XPR1: variants seen among roughly 807,000 people sequenced by gnomAD.
The protein encoded by XPR1 is solute carrier family 53 member 1.
XPR1 carries 28 observed loss-of-function variants against 87.5 expected under a neutral mutation model. The ratio of observed to expected loss-of-function variants is 0.32; its 90% CI spans 0.24 to 0.44. XPR1 has a LOEUF of 0.44. Ranked by LOEUF, XPR1 falls within the 20% of genes least tolerant of loss-of-function variation. The pLI is 1.00. For missense variants in XPR1, 559 were observed against 862.3 expected (o/e 0.65, Z 4.41); for synonymous variants, 300 against 306.1 (o/e 0.98, Z 0.21).
In XPR1 at chr1:180,719,407, A is replaced by T. The variant is rs547850987; in HGVS notation, c.121+36996A>T. Among the ~76,000 whole-genome samples the T allele has an allele frequency of 5.3e-5, 8 of 152,342 alleles. No homozygotes were observed. In the East Asian group the frequency reaches 1.5e-3, roughly 29 times the overall value. On this transcript the variant is annotated intron_variant, in intron 2 of 14. Coordinates refer to ENST00000367590, the MANE Select transcript of XPR1 (RefSeq NM_004736.4). ...GATGATATTGGCATCAGTTGATGAC[A>T]TTGGCAAAATGTTAATAATTGTTGA...
intron 13 of XPR1, among the ~76,000 whole-genome samples, chr1:180,878,914 A>G (rs975238293): frequency 5.3e-5 from 8 of 152,104 alleles, no homozygotes; most frequent in African/African-American, 1.9e-4. Flanking sequence ...TGTCTCCTCT[A>G]GTTGTATTAT....
At chr1:180,721,144 C>T (rs1276207207) in intron 2 of XPR1, among the ~76,000 whole-genome samples, 2 of 151,568 alleles carry the variant, frequency 1.3e-5, no homozygotes, top group Non-Finnish European at 2.9e-5. Context: ...TCGCTTGAAC[C>T]CCGGAGGCAG....
At chr1:180,816,188 G>A (rs1297532929) in intron 7 of XPR1, among the ~76,000 whole-genome samples, 1 of 152,184 alleles carries the variant, frequency 6.6e-6, no homozygotes, top group African/African-American at 2.4e-5. Context: ...CTGGCGGGTA[G>A]GAGAGGGGAT....
intron 9 of XPR1, among the ~76,000 whole-genome samples, chr1:180,826,616 C>G (rs146905108): frequency 7.2e-5 from 11 of 152,170 alleles, no homozygotes; most frequent in African/African-American, 2.2e-4. Flanking sequence ...ATGATTATTT[C>G]TTAGGTTATG....
At chr1:180,748,650 C>T (rs2102034461) in intron 2 of XPR1, among the ~76,000 whole-genome samples, 1 of 151,740 alleles carries the variant, frequency 6.6e-6, no homozygotes, top group Non-Finnish European at 1.5e-5. Flanking sequence ...ACTCCTGACC[C>T]CAGGTGATCC....
At chr1:180,680,074 AACAG>A (rs745410639) in intron 1 of XPR1, among the ~76,000 whole-genome samples, 207 of 152,320 alleles carry the variant, frequency 1.4e-3, no homozygotes, top group Non-Finnish European at 2.3e-3. Context: ...AAGTGATCTG[AACAG>A]ACATTTCTCA....
At chr1:180,709,240 A>C (rs1657671642) in intron 2 of XPR1, among the ~76,000 whole-genome samples, 1 of 152,224 alleles carries the variant, frequency 6.6e-6, no homozygotes. Context: ...TTTTAAAGAA[A>C]AGCAGCTTTT....
chr1:180,637,741 A>G (rs554825308), intron 1 of XPR1, among the ~76,000 whole-genome samples: 1 of 152,128 alleles, frequency 6.6e-6, no homozygotes, highest in Non-Finnish European at 1.5e-5. Flanking sequence ...TTTAGTAGAG[A>G]CAGGGCTTCA....
At chr1:180,785,011 T>TGTGTGTGTG (rs1649083957) in intron 2 of XPR1, among the ~76,000 whole-genome samples, 31 of 136,392 alleles carry the variant, frequency 2.3e-4, no homozygotes, top group South Asian at 1.5e-3. Context: ...GTGTGTGTGT[T>TGTGTGTGTG]TGTGTGTGTG....
chr1:180,707,027 T>G (rs1414047878), intron 2 of XPR1, among the ~76,000 whole-genome samples: 1 of 152,186 alleles, frequency 6.6e-6, no homozygotes, highest in Non-Finnish European at 1.5e-5. Flanking sequence ...ATATCAGTTG[T>G]AGAAATATGT....
Position 180,806,526 on chromosome 1 carries a change from G to A in XPR1, c.650G>A (p.Arg217His). The part of the protein sequence containing the change: ...EDGDRQKAMK[R>H]LRVPPLGAAQ... ...GGTGACAGACAAAAGGCTATGAAGC[G>A]TTTACGTGTCCCCCCTTTGGGAGCT... Residue 217 changes from arginine to histidine, a missense_variant, in exon 6 of 15, where the codon CGT becomes CAT. Around this residue, in one of 7 missense-constraint regions of XPR1, gnomAD observed 159 missense variants for 263.3 expected, o/e 0.60. Transcript: ENST00000367590. 8 of 1,612,898 alleles carry A rather than the reference G, an allele frequency of 5.0e-6. No individual in the cohort carries two copies. The highest frequency in any genetic ancestry group is 6.8e-6 in the Non-Finnish European group (8 of 1,179,212).
In XPR1 at chr1:180,711,618, G is replaced by T. The variant is rs1444190260; in HGVS notation, c.121+29207G>T. ...GGGAGACCGTGGGGAGGGGGAGAGGGAGAGGGGGGAGAGTTCTTTTTATAT... is the reference window on the plus strand; with the variant it reads ...GGGAGACCGTGGGGAGGGGGAGAGGTAGAGGGGGGAGAGTTCTTTTTATAT... On this transcript the variant is annotated intron_variant, in intron 2 of 14. Coordinates refer to ENST00000367590, the MANE Select transcript of XPR1 (RefSeq NM_004736.4). 3.3e-5 allele frequency among the ~76,000 whole-genome samples: 5 copies of T among 152,016 alleles called. No homozygotes were observed. In the East Asian group the frequency reaches 7.7e-4, roughly 24 times the overall value.
intron 2 of XPR1, among the ~76,000 whole-genome samples, chr1:180,683,667 G>A (rs1240765225): frequency 6.6e-6 from 1 of 152,166 alleles, no homozygotes; most frequent in African/African-American, 2.4e-5. Context: ...TCTAACTGGT[G>A]TGAGATGGTA....
chr1:180,680,973 AC>A (rs1453958510), intron 1 of XPR1, among the ~76,000 whole-genome samples: 1 of 152,220 alleles, frequency 6.6e-6, no homozygotes, highest in Non-Finnish European at 1.5e-5. Context: ...GTTAAACACC[AC>A]ATGTTCTCAC....
At chr1:180,816,551 T>C (rs2102138966) in intron 7 of XPR1, among the ~76,000 whole-genome samples, 1 of 152,318 alleles carries the variant, frequency 6.6e-6, no homozygotes, top group East Asian at 1.9e-4. Flanking sequence ...TTGTTTGTAA[T>C]AGTATCCAGT....
intron 1 of XPR1, among the ~76,000 whole-genome samples, chr1:180,634,307 T>C (rs1654693248): frequency 6.6e-6 from 1 of 152,250 alleles, no homozygotes; most frequent in Admixed American, 6.5e-5. Flanking sequence ...TCCTACTATA[T>C]GGCTCCTGTC....
intron 1 of XPR1, among the ~76,000 whole-genome samples, chr1:180,657,081 G>A (rs1000823401): frequency 6.6e-6 from 1 of 152,092 alleles, no homozygotes; most frequent in Non-Finnish European, 1.5e-5. Flanking sequence ...GCGTTTCTCT[G>A]ATGATCAGTG....
chr1:180,733,280 C>G (rs1238399776), intron 2 of XPR1, among the ~76,000 whole-genome samples: 1 of 152,150 alleles, frequency 6.6e-6, no homozygotes, highest in African/African-American at 2.4e-5. Flanking sequence ...CTAGCCCTAG[C>G]TGGGAACCAT....
chr1:180,659,453 CCCTCCCTTCCTCCCTT>C (rs751171524), intron 1 of XPR1, among the ~76,000 whole-genome samples: 3,127 of 112,000 alleles, frequency 0.028, 238 homozygotes, highest in African/African-American at 0.12. Context: ...CCTCCTTCTT[CCCTCCCTTCCTCCCTT>C]CCTCCCTTCC....
Sources: allele counts gnomAD v4.1 joint callset (sites outside exome capture counted in the v4.1 genomes callset), GRCh38; gene constraint gnomAD v4.1.1; regional missense constraint gnomAD v4.1.1; transcripts MANE v1.5; gene names NCBI Gene and HGNC (gene_info 2026-07-23, HGNC 2026-07-21).